KCNN2: variants seen among roughly 807,000 people sequenced by gnomAD.
KCNN2 encodes small conductance calcium-activated potassium channel protein 2.
A neutral mutation model predicts 55.5 loss-of-function variants in KCNN2; 24 were observed. The observed-to-expected ratio is 0.43, with a 90% CI of 0.31 to 0.61. The LOEUF is 0.61. Ranked by LOEUF, KCNN2 falls within the 20% of genes least tolerant of loss-of-function variation. The pLI, the probability that KCNN2 is intolerant of heterozygous loss-of-function variation, is 0.08. For missense variants in KCNN2, 754 were observed against 853.6 expected, an observed-to-expected ratio of 0.88 and a Z score of 1.45; for synonymous variants, 431 against 336.1, an observed-to-expected ratio of 1.28 and a Z score of -3.09.
At chr5:114,436,390 C>T (rs976119353) in intron 3 of KCNN2, among the ~76,000 whole-genome samples, 1 of 151,852 alleles carries the variant, frequency 6.6e-6, no homozygotes, top group African/African-American at 2.4e-5. Context: ...CTTTTTGTTC[C>T]CCTTATGGAA....
intron 3 of KCNN2, among the ~76,000 whole-genome samples, chr5:114,453,394 A>G (rs527276364): frequency 1.2e-4 from 19 of 152,336 alleles, no homozygotes; most frequent in African/African-American, 4.3e-4. Context: ...TTGAATATTT[A>G]GCTCGGTCTA....
intron 2 of KCNN2, among the ~76,000 whole-genome samples, chr5:114,256,452 C>T (rs1754985294): frequency 6.6e-6 from 1 of 152,168 alleles, no homozygotes; most frequent in African/African-American, 2.4e-5. Flanking sequence ...GAGAAATCTC[C>T]ATACTGTTGT....
At chr5:114,411,000 G>A (rs973159113) in intron 3 of KCNN2, among the ~76,000 whole-genome samples, 1 of 152,134 alleles carries the variant, frequency 6.6e-6, no homozygotes, top group Non-Finnish European at 1.5e-5. Context: ...AATCTAAACT[G>A]CATTTTAGAT....
intron 1 of KCNN2, among the ~76,000 whole-genome samples, chr5:114,119,956 C>T (rs1751792896): frequency 6.6e-6 from 1 of 152,000 alleles, no homozygotes; most frequent in African/African-American, 2.4e-5. Flanking sequence ...GATGGAAAGT[C>T]ACCAAGAAGG....
intron 2 of KCNN2, among the ~76,000 whole-genome samples, chr5:114,374,418 T>C (rs545564117): frequency 2.6e-5 from 4 of 152,200 alleles, no homozygotes; most frequent in Non-Finnish European, 4.4e-5. Context: ...ACAGGATATT[T>C]AAATAAAAGG....
chr5:114,373,059 A>G (rs1198086467), intron 2 of KCNN2, among the ~76,000 whole-genome samples: 5 of 152,182 alleles, frequency 3.3e-5, no homozygotes, highest in Admixed American at 2.6e-4. Context: ...TTGTAAAATT[A>G]TTCTTCCAAA....
chr5:114,429,285 A>G (rs338623), intron 3 of KCNN2, among the ~76,000 whole-genome samples: 79,363 of 151,836 alleles, frequency 0.52, 22,791 homozygotes, highest in East Asian at 0.84. Flanking sequence ...AGATACCACT[A>G]TGTATCTATT....
chr5:114,240,229 T>C (rs1754590124), intron 2 of KCNN2, among the ~76,000 whole-genome samples: 1 of 151,996 alleles, frequency 6.6e-6, no homozygotes, highest in African/African-American at 2.4e-5. Context: ...AAATGTATTA[T>C]ACCAAAAAAA....
chr5:114,380,629 A>G (rs962276219), intron 2 of KCNN2, among the ~76,000 whole-genome samples: 1 of 152,246 alleles, frequency 6.6e-6, no homozygotes, highest in African/African-American at 2.4e-5. Flanking sequence ...TAATAATCAC[A>G]CAAACGGTAA....
intron 1 of KCNN2, among the ~76,000 whole-genome samples, chr5:114,120,795 T>G (rs1025087405): frequency 4.9e-4 from 74 of 152,218 alleles, no homozygotes; most frequent in African/African-American, 1.7e-3. Context: ...TGGAACACTT[T>G]GCCATTTTGT....
intron 1 of KCNN2, among the ~76,000 whole-genome samples, chr5:114,107,904 C>T (rs1385719315): frequency 1.3e-5 from 2 of 151,832 alleles, no homozygotes; most frequent in South Asian, 2.1e-4. Flanking sequence ...GACGTTTTGC[C>T]GCGTTCTTGG....
chr5:114,368,856 T>G (rs1757682001), intron 2 of KCNN2, among the ~76,000 whole-genome samples: 1 of 92,064 alleles, frequency 1.1e-5, no homozygotes, highest in Non-Finnish European at 2.2e-5. Flanking sequence ...TCAGCAGCAG[T>G]AGGGACCTAT....
chr5:114,372,271 G>T (rs1757782580), intron 2 of KCNN2, among the ~76,000 whole-genome samples: 1 of 151,914 alleles, frequency 6.6e-6, no homozygotes, highest in Non-Finnish European at 1.5e-5. Flanking sequence ...CTGTGAGTTT[G>T]AAAAGTGAAT....
intron 1 of KCNN2, among the ~76,000 whole-genome samples, chr5:114,220,542 GT>G (rs975354935): frequency 2.0e-5 from 3 of 151,998 alleles, no homozygotes; most frequent in Admixed American, 1.3e-4. Flanking sequence ...ATACAGAAAT[GT>G]TTTTTAAAAA....
At chr5:114,121,198 G>C (rs1269316851) in intron 1 of KCNN2, among the ~76,000 whole-genome samples, 2 of 152,220 alleles carry the variant, frequency 1.3e-5, no homozygotes, top group Non-Finnish European at 2.9e-5. Context: ...CTGAGGACCT[G>C]TGGAATTTGC....
At chr5:114,400,804 C>T (rs1321447683) in intron 2 of KCNN2, among the ~76,000 whole-genome samples, 1 of 152,142 alleles carries the variant, frequency 6.6e-6, no homozygotes, top group Non-Finnish European at 1.5e-5. Flanking sequence ...TTCTCTTAAT[C>T]CAGATCTTGC....
intron 2 of KCNN2, among the ~76,000 whole-genome samples, chr5:114,282,711 C>T (rs1755647953): frequency 6.6e-6 from 1 of 152,064 alleles, no homozygotes; most frequent in South Asian, 2.1e-4. Context: ...TCAGAGAGAG[C>T]TCTGTCTTCT....
At chr5:114,140,161 G>A (rs927571855) in intron 1 of KCNN2, among the ~76,000 whole-genome samples, 7 of 152,080 alleles carry the variant, frequency 4.6e-5, no homozygotes, top group Non-Finnish European at 7.4e-5. Flanking sequence ...GTAAATAATA[G>A]TAGATATAAC....
chr5:114,344,627 C>A (rs1010443748), intron 2 of KCNN2, among the ~76,000 whole-genome samples: 3 of 152,142 alleles, frequency 2.0e-5, no homozygotes, highest in Non-Finnish European at 2.9e-5. Context: ...AGGGACTGAC[C>A]ATGAGTCACC....
Sources: allele counts gnomAD v4.1 joint callset (sites outside exome capture counted in the v4.1 genomes callset), GRCh38; gene constraint gnomAD v4.1.1; transcripts MANE v1.5; gene names NCBI Gene and HGNC (gene_info 2026-07-23, HGNC 2026-07-21).